Variants in XKR4 observed in about 807,000 individuals in gnomAD.
XKR4 encodes XK-related protein 4.
A neutral mutation model predicts 53.9 loss-of-function variants in XKR4; 12 were observed. The observed-to-expected ratio is 0.22, with a 90% CI of 0.14 to 0.36. The LOEUF (loss-of-function observed/expected upper bound fraction) is 0.36. XKR4 is among the 10% of genes least tolerant of loss of function. XKR4 has a pLI of 1.00. For missense variants in XKR4, 799 were observed against 859.5 expected (o/e 0.93, Z 0.88); for synonymous variants, 354 against 362.4 (o/e 0.98, Z 0.26).
rs777628666 is a variant in XKR4 at position 55,123,380 on chromosome 8, C to T, written c.806+20086C>T. The stretch of plus-strand genomic sequence containing the variant: ...ATGAAAAGGCATATGATGCCCAGGA[C>T]GTTCCCATGAAGCATGCCCCTGGCC... On this transcript the variant is annotated intron_variant, in intron 1 of 2. Transcript: ENST00000327381. Among the ~76,000 whole-genome samples, 5 of 152,314 alleles carry T rather than the reference C, an allele frequency of 3.3e-5. No homozygotes were observed. In the East Asian group the frequency reaches 5.8e-4, roughly 18 times the overall value.
At chr8:55,393,868 C>A (rs1804480090) in intron 2 of XKR4, among the ~76,000 whole-genome samples, 1 of 152,148 alleles carries the variant, frequency 6.6e-6, no homozygotes, top group Admixed American at 6.6e-5. Flanking sequence ...CCAGAATTTT[C>A]TCTTCTTTCA....
intron 1 of XKR4, among the ~76,000 whole-genome samples, chr8:55,172,243 T>C (rs771061380): frequency 1.3e-5 from 2 of 151,890 alleles, no homozygotes; most frequent in African/African-American, 4.8e-5. Flanking sequence ...TTTCCTTCAC[T>C]TACAGGATAT....
At chr8:55,121,113 C>T (rs1816385020) in intron 1 of XKR4, among the ~76,000 whole-genome samples, 2 of 152,182 alleles carry the variant, frequency 1.3e-5, no homozygotes. Flanking sequence ...TATCACTTCA[C>T]CTATTGAAGG....
intron 1 of XKR4, among the ~76,000 whole-genome samples, chr8:55,310,196 T>C (rs1748018192): frequency 6.6e-6 from 1 of 152,160 alleles, no homozygotes; most frequent in Non-Finnish European, 1.5e-5. Context: ...AAAATATATT[T>C]CTTTGGAGTG....
intron 1 of XKR4, among the ~76,000 whole-genome samples, chr8:55,155,019 C>G (rs1246582789): frequency 2.0e-5 from 3 of 152,154 alleles, no homozygotes; most frequent in Admixed American, 2.0e-4. Flanking sequence ...GTTCAAGGAG[C>G]TCTTTCCTCC....
chr8:55,360,931 T>C (rs1475477614), intron 2 of XKR4, among the ~76,000 whole-genome samples: 1 of 152,158 alleles, frequency 6.6e-6, no homozygotes, highest in Non-Finnish European at 1.5e-5. Flanking sequence ...TGGAGCATAA[T>C]TGTTTCTCCA....
intron 1 of XKR4, among the ~76,000 whole-genome samples, chr8:55,291,366 A>C (rs1819017029): frequency 6.6e-6 from 1 of 152,150 alleles, no homozygotes; most frequent in Non-Finnish European, 1.5e-5. Context: ...TGTCCTTATA[A>C]ATTTTAGAAC....
At chr8:55,314,921 T>C (rs1162037955) in intron 1 of XKR4, among the ~76,000 whole-genome samples, 1 of 152,152 alleles carries the variant, frequency 6.6e-6, no homozygotes, top group African/African-American at 2.4e-5. Flanking sequence ...GGAATGTGTA[T>C]CCAGAGGGAC....
intron 1 of XKR4, among the ~76,000 whole-genome samples, chr8:55,122,796 CT>C (rs1033598710): frequency 3.1e-4 from 47 of 149,494 alleles, no homozygotes; most frequent in Middle Eastern, 3.4e-3. Flanking sequence ...AGTGCCTGCC[CT>C]TTTTTTTTTC....
chr8:55,308,347 G>T (rs1360288069), intron 1 of XKR4, among the ~76,000 whole-genome samples: 2 of 152,192 alleles, frequency 1.3e-5, no homozygotes, highest in Non-Finnish European at 2.9e-5. Flanking sequence ...GTTCTGCCTG[G>T]CTGGGGAGGC....
intron 1 of XKR4, among the ~76,000 whole-genome samples, chr8:55,130,950 G>A (rs373772523): frequency 3.3e-5 from 5 of 152,096 alleles, no homozygotes; most frequent in South Asian, 2.1e-4. Context: ...ACCTGAGGTC[G>A]GGAGTTTGAG....
At chr8:55,498,432 C>T (rs569054256) in intron 2 of XKR4, among the ~76,000 whole-genome samples, 73 of 152,258 alleles carry the variant, frequency 4.8e-4, no homozygotes, top group African/African-American at 1.4e-3. Context: ...AGGCACCGAG[C>T]GCATCCTAGC....
intron 1 of XKR4, among the ~76,000 whole-genome samples, chr8:55,252,521 G>A (rs916444364): frequency 6.6e-6 from 1 of 152,186 alleles, no homozygotes; most frequent in Non-Finnish European, 1.5e-5. Context: ...GACGCCGCCC[G>A]ACCTTGATTC....
Position 55,347,013 on chromosome 8 carries a change from A to T in XKR4, c.807-10665A>T, listed in dbSNP as rs77186909. On this transcript the variant is annotated intron_variant, in intron 1 of 2. Transcript: ENST00000327381. ...ACACTCGGTCAAATCTTATTTAGGG[A>T]TTGAAATATTTATCTTACATATGAA... Among the ~76,000 whole-genome samples, 415 of 152,272 alleles carry T rather than the reference A, an allele frequency of 2.7e-3. 2 individuals carry two copies. The highest frequency in any genetic ancestry group is 9.6e-3 in the African/African-American group (397 of 41,556).
chr8:55,465,493 G>T (rs1284921775), intron 2 of XKR4, among the ~76,000 whole-genome samples: 1 of 151,866 alleles, frequency 6.6e-6, no homozygotes, highest in African/African-American at 2.4e-5. Context: ...ACTCAAGATG[G>T]ATTAAAGACT....
chr8:55,491,726 G>T (rs1006289354), intron 2 of XKR4, among the ~76,000 whole-genome samples: 1 of 151,986 alleles, frequency 6.6e-6, no homozygotes, highest in Non-Finnish European at 1.5e-5. Context: ...AGACTCCTAG[G>T]TTCAAGTGAT....
At chr8:55,411,721 C>G (rs2129391282) in intron 2 of XKR4, among the ~76,000 whole-genome samples, 1 of 152,278 alleles carries the variant, frequency 6.6e-6, no homozygotes, top group East Asian at 1.9e-4. Flanking sequence ...CAGCTGAGTG[C>G]AGTGGAATTC....
intron 2 of XKR4, among the ~76,000 whole-genome samples, chr8:55,363,423 C>T (rs1340208715): frequency 1.3e-5 from 2 of 152,160 alleles, no homozygotes; most frequent in Non-Finnish European, 2.9e-5. Flanking sequence ...GTCTTGCATC[C>T]TATGAGGCTC....
At chr8:55,435,827 C>A (rs1411153701) in intron 2 of XKR4, among the ~76,000 whole-genome samples, 3 of 152,096 alleles carry the variant, frequency 2.0e-5, no homozygotes, top group African/African-American at 4.8e-5. Flanking sequence ...CTGGGCTTCT[C>A]AAGGTGTTAG....
Sources: gnomAD v4.1 joint callset for allele counts (sites outside exome capture counted in the v4.1 genomes callset) on GRCh38, gnomAD v4.1.1 for gene constraint, MANE v1.5 for transcripts, NCBI Gene and HGNC (gene_info 2026-07-23, HGNC 2026-07-21) for gene names.